Variants in TPO observed in about 807,000 individuals in gnomAD.
The protein encoded by TPO is thyroid microsomal antigen.
In TPO, 78 loss-of-function variants were observed where a neutral mutation model predicts 96.9. That is an observed-to-expected ratio of 0.81 (90% CI 0.67 to 0.97). The LOEUF (loss-of-function observed/expected upper bound fraction) is 0.97, where lower values mean the gene tolerates loss of function less well. Ranked by LOEUF, TPO falls within the 50% of genes least tolerant of loss-of-function variation. The pLI is 0.00. For synonymous variants in TPO, 547 were observed against 538.0 expected (o/e 1.02, Z -0.23); for missense variants, 1,252 against 1,274.8 (o/e 0.98, Z 0.27).
At chr2:1,537,482 A>C (rs1171498640) in intron 15 of TPO, among the ~76,000 whole-genome samples, 1 of 32,866 alleles carries the variant, frequency 3.0e-5, no homozygotes. Flanking sequence ...AAATTCTTCC[A>C]CTCTGTGCAG....
intron 13 of TPO, among the ~76,000 whole-genome samples, chr2:1,497,069 G>A (rs990346209): frequency 2.0e-5 from 3 of 152,150 alleles, no homozygotes; most frequent in Non-Finnish European, 2.9e-5. Context: ...TCGCAGGGGC[G>A]CTTTCTCAAA....
At chr2:1,535,144 C>CA in intron 15 of TPO, among the ~76,000 whole-genome samples, 1 of 57,964 alleles carries the variant, frequency 1.7e-5, no homozygotes, top group Non-Finnish European at 3.4e-5. Context: ...GCAACCTCCC[C>CA]AAATCCCCCC....
rs1663679922 is a variant in TPO, at chr2:1,422,316, A to ACCTCGTGCAGGCGCCGCGCTGGACT, written c.95-729_95-728insCCTCGTGCAGGCGCCGCGCTGGACT. ...GACCCCGCAGGCGCCTCTCCTGGAC[A>ACCTCGTGCAGGCGCCGCGCTGGACT]GACCTCGTGCAGGCGCCTCTCCTGG... On this transcript the variant is annotated intron_variant, in intron 2 of 16. Transcript: ENST00000329066. 7.9e-4 allele frequency among the ~76,000 whole-genome samples: 54 copies of ACCTCGTGCAGGCGCCGCGCTGGACT among 68,400 alleles called. 2 individuals are homozygous for ACCTCGTGCAGGCGCCGCGCTGGACT. The highest frequency in any genetic ancestry group is 2.0e-3 in the African/African-American group (35 of 17,700). 44.9% of individuals were successfully genotyped at this position (68,400 alleles called of 152,430 possible). A position where few individuals can be genotyped will look rare whatever the true frequency, so the allele number is the denominator to read the frequency against.
At chr2:1,471,348 T>G (rs559612674) in intron 7 of TPO, among the ~76,000 whole-genome samples, 3 of 152,280 alleles carry the variant, frequency 2.0e-5, no homozygotes, top group African/African-American at 7.2e-5. Context: ...CTACTTCACA[T>G]TTCTCACCCT....
chr2:1,475,439 T>C (rs1275386604), intron 7 of TPO, among the ~76,000 whole-genome samples: 2 of 151,976 alleles, frequency 1.3e-5, no homozygotes, highest in African/African-American at 4.8e-5. Context: ...TTTTCTTTTT[T>C]TTGAGACGGA....
chr2:1,502,454 A>G (rs904832938), intron 13 of TPO, among the ~76,000 whole-genome samples: 1 of 152,090 alleles, frequency 6.6e-6, no homozygotes, highest in Non-Finnish European at 1.5e-5. Context: ...CAGTGCCGCA[A>G]TCTCTGCTCA....
intron 1 of TPO, among the ~76,000 whole-genome samples, chr2:1,392,145 A>G (rs903910024): frequency 6.6e-6 from 1 of 151,830 alleles, no homozygotes; most frequent in African/African-American, 2.4e-5. Context: ...TGATATTGTC[A>G]TAAATAGCTC....
At chr2:1,498,333 C>G (rs927304200) in intron 13 of TPO, among the ~76,000 whole-genome samples, 2 of 152,118 alleles carry the variant, frequency 1.3e-5, no homozygotes, top group African/African-American at 4.8e-5. Context: ...GGTGCCCTCC[C>G]GGGAGCCACC....
intron 1 of TPO, among the ~76,000 whole-genome samples, chr2:1,376,082 G>A (rs886171955): frequency 1.3e-5 from 2 of 152,176 alleles, no homozygotes; most frequent in African/African-American, 4.8e-5. Context: ...TGTAAATAAA[G>A]ATGAGCGCGG....
chr2:1,540,520 C>T (rs1371034015), intron 15 of TPO, 74 bp from the exon 16 acceptor site: 4 of 1,602,698 alleles, frequency 2.5e-6, no homozygotes, highest in South Asian at 1.1e-5. Context: ...TGCCGTCGCT[C>T]GTGCCGTGCT....
Position 1,468,586 on chromosome 2 carries a change from A to G in TPO, c.820-8500A>G, listed in dbSNP as rs141268213. 1.1e-3 allele frequency among the ~76,000 whole-genome samples: 173 copies of G among 152,242 alleles called. 2 individuals carry two copies. Among genetic ancestry groups the G allele is most frequent in the African/African-American group, 4.0e-3 (167 of 41,542 alleles). ...TGCTGAGAAATCTGCTGTTAATCTG[A>G]TAGGTTTTTACTTTATAGGTTACCT... On this transcript the variant is annotated intron_variant, in intron 7 of 16. Transcript: ENST00000329066.
chr2:1,374,855 T>C (rs1359455344), intron 1 of TPO, among the ~76,000 whole-genome samples: 2 of 151,778 alleles, frequency 1.3e-5, no homozygotes, highest in East Asian at 3.9e-4. Context: ...ACCTCCCAAG[T>C]AGCTGGGACT....
chr2:1,525,087 T>TCAC (rs1676133905), intron 15 of TPO, among the ~76,000 whole-genome samples: 2 of 15,306 alleles, frequency 1.3e-4, no homozygotes, highest in African/African-American at 2.9e-4. Flanking sequence ...CAAATCCCCC[T>TCAC]ACTGTGTGCA....
At chr2:1,498,981 C>T (rs552136924) in intron 13 of TPO, among the ~76,000 whole-genome samples, 167 of 152,302 alleles carry the variant, frequency 1.1e-3, no homozygotes, top group Admixed American at 2.4e-3. Context: ...TCTACGTTAA[C>T]AAGCCTTCCT....
At chr2:1,434,226 G>A (rs1402738701) in intron 4 of TPO, among the ~76,000 whole-genome samples, 3 of 152,200 alleles carry the variant, frequency 2.0e-5, no homozygotes, top group African/African-American at 7.2e-5. Context: ...TCATATTGGT[G>A]CTTCCTATGA....
At position 1,540,646 on chromosome 2, in the gene TPO, A is replaced by G; in HGVS notation, c.2671A>G (p.Thr891Ala). The change falls in exon 16 of 17, where the codon ACT (threonine) becomes GCT (alanine). Residue 891 changes from threonine (T) to alanine (A), a missense_variant. Coordinates refer to ENST00000329066, the MANE Select transcript of TPO (RefSeq NM_001206744.2). ...TLPISETGGG[T>A]PELRCGKHQA... ...GCCCATCTCGGAGACAGGCGGAGGA[A>G]CTCCCGAGCTGAGATGCGGAAAGCA... 6.2e-7 allele frequency: 1 copy of G among 1,613,058 alleles called. No individual in the cohort carries two copies. Among genetic ancestry groups the G allele is most frequent in the East Asian group, 2.2e-5 (1 of 44,828 alleles).
chr2:1,512,183 G>A (rs1026303689), intron 14 of TPO, among the ~76,000 whole-genome samples: 11 of 152,200 alleles, frequency 7.2e-5, no homozygotes, highest in South Asian at 4.1e-4. Flanking sequence ...ACAGGCGCCC[G>A]CCACCACGCC....
chr2:1,496,679 C>G lies in TPO; in HGVS notation c.2300C>G (p.Ser767Cys). Reference sequence around the variant, plus strand: ...TCTGGGAGGCGCGTGCTGGTGTATTCCTGCCGGCACGGGTATGAGCTCCAA... The same window carrying G: ...TCTGGGAGGCGCGTGCTGGTGTATTGCTGCCGGCACGGGTATGAGCTCCAA... ...EESGRRVLVY[S>C]CRHGYELQGR... The change falls in exon 13 of 17, where the codon TCC becomes TGC. Residue 767 changes from serine to cysteine, a missense_variant. Physicochemically the swap from Ser to Cys is moderately radical, Grantham distance 112 (BLOSUM62 -1). Coordinates refer to ENST00000329066, the MANE Select transcript of TPO (RefSeq NM_001206744.2). 1.9e-6 allele frequency: 3 copies of G among 1,614,066 alleles called. No individual in the cohort carries two copies. The highest frequency in any genetic ancestry group is 1.7e-6 in the Non-Finnish European group (2 of 1,180,030).
At chr2:1,496,239 A>G (rs1449019201) in intron 12 of TPO, 42 bp downstream of exon 12, 2 of 1,596,316 alleles carry the variant, frequency 1.3e-6, no homozygotes, top group Admixed American at 1.7e-5. Flanking sequence ...CAGCACGTGC[A>G]TCTCATCAAA....
Sources: gnomAD v4.1 joint callset for allele counts (sites outside exome capture counted in the v4.1 genomes callset) on GRCh38, gnomAD v4.1.1 for gene constraint, MANE v1.5 for transcripts, NCBI Gene and HGNC (gene_info 2026-07-23, HGNC 2026-07-21) for gene names.